Variants in PCDHGA5 observed in about 807,000 individuals in gnomAD.
PCDHGA5 encodes the protein protocadherin gamma-A5.
Under a neutral mutation model 56.7 loss-of-function variants are expected in PCDHGA5, and 36 were observed. That is an observed-to-expected ratio of 0.64 (90% CI 0.49 to 0.84). PCDHGA5 has a LOEUF of 0.84. PCDHGA5 is among the 40% of genes least tolerant of loss of function. The pLI, the probability that PCDHGA5 is intolerant of heterozygous loss-of-function variation, is 0.00. For missense variants in PCDHGA5, 1,305 were observed against 1,201.5 expected, an observed-to-expected ratio of 1.09 and a Z score of -1.27; for synonymous variants, 563 against 520.2, an observed-to-expected ratio of 1.08 and a Z score of -1.12.
At chr5:141,395,545 TGTGTGTGTGTGTG>T (rs1440813594) in intron 1 of PCDHGA5, 2 of 174,840 alleles carry the variant, frequency 1.1e-5, no homozygotes, top group Admixed American at 1.3e-4. Flanking sequence ...CTATTGTTTG[TGTGTGTGTGTGTG>T]TGTGTGTGTG....
intron 1 of PCDHGA5, chr5:141,382,902 G>A: frequency 6.5e-7 from 1 of 1,543,512 alleles, no homozygotes; most frequent in South Asian, 1.2e-5. Flanking sequence ...GGACGACTAT[G>A]GCGGCTCAGC....
chr5:141,464,402 G>GAT (rs1039725208), intron 1 of PCDHGA5, among the ~76,000 whole-genome samples: 22 of 150,720 alleles, frequency 1.5e-4, no homozygotes, highest in Admixed American at 7.3e-4. Context: ...AAGAACCTGA[G>GAT]ATATATATAT....
rs764070772 is a variant in PCDHGA5, at chr5:141,476,415, C to T, written c.2422-18392C>T. ...CTGGATCGAGAGGAGCTGTGTGGGACACTGCCCTCTTGCACTGTAACTCTG... is the reference window on the plus strand; with the variant it reads ...CTGGATCGAGAGGAGCTGTGTGGGATACTGCCCTCTTGCACTGTAACTCTG... On this transcript the variant is annotated intron_variant, in intron 1 of 3. Transcript: ENST00000518069. This position sits in a 1 kb window ranked among gnomAD's most constrained non-coding sequence, Gnocchi z 7.6. 2.5e-6 allele frequency: 4 copies of T among 1,614,098 alleles called. No homozygotes were observed. The South Asian group carries it at 4.4e-5, about 18-fold the overall frequency.
intron 1 of PCDHGA5, among the ~76,000 whole-genome samples, chr5:141,443,477 C>T (rs1279226136): frequency 6.6e-6 from 1 of 152,116 alleles, no homozygotes; most frequent in Non-Finnish European, 1.5e-5. Flanking sequence ...CAGAATTAGA[C>T]CCTGTCCCAA....
chr5:141,439,652 T>G (rs1047430832), intron 1 of PCDHGA5, among the ~76,000 whole-genome samples: 1 of 152,208 alleles, frequency 6.6e-6, no homozygotes, highest in African/African-American at 2.4e-5. Context: ...GTGGCTTTTC[T>G]AATTTCATGG....
intron 1 of PCDHGA5, among the ~76,000 whole-genome samples, chr5:141,435,652 G>A (rs978809372): frequency 3.9e-5 from 6 of 152,226 alleles, no homozygotes; most frequent in East Asian, 1.9e-4. Flanking sequence ...TTTCTGAAAC[G>A]TGCACAGATT....
rs777058727 is a variant in PCDHGA5 at position 141,431,947 on chromosome 5, A to G, written c.2422-62860A>G. 6 of 1,614,052 alleles carry G rather than the reference A, an allele frequency of 3.7e-6. No homozygotes were observed. The highest frequency in any genetic ancestry group is 2.2e-5 in the East Asian group (1 of 44,894). ...GAAATCTGCCCTTTAAATTAGAAAAATCTTACGGAAATTACTATAGTTTAG... is the reference window on the plus strand; with the variant it reads ...GAAATCTGCCCTTTAAATTAGAAAAGTCTTACGGAAATTACTATAGTTTAG... On this transcript the variant is annotated intron_variant, in intron 1 of 3. Transcript: ENST00000518069. This position sits in a 1 kb window ranked among gnomAD's most constrained non-coding sequence, Gnocchi z 4.8.
At position 141,431,192 on chromosome 5, in the gene PCDHGA5, A is replaced by T. The variant is rs769745353; in HGVS notation, c.2422-63615A>T. 8.7e-6 allele frequency: 14 copies of T among 1,614,042 alleles called. No homozygotes were observed. Among genetic ancestry groups the T allele is most frequent in the African/African-American group, 2.7e-5 (2 of 74,912 alleles). On this transcript the variant is annotated intron_variant, in intron 1 of 3. Coordinates refer to ENST00000518069, the MANE Select transcript of PCDHGA5 (RefSeq NM_018918.3). This position sits in a 1 kb window ranked among gnomAD's most constrained non-coding sequence, Gnocchi z 4.8. ...TGAATTAGAAATAAAAATTAGTGAA[A>T]ATGCAGCCACTGAGATGCGGTTCCC...
rs368800698 is a variant in PCDHGA5, at chr5:141,405,118, G to A, written c.2421+38367G>A. The A allele has an allele frequency of 1.1e-5, 18 of 1,613,946 alleles. No homozygotes were observed. The East Asian group carries it at 1.8e-4, about 16-fold the overall frequency. ...TCAGGCTGAGGCACTGGCACTCCTCGCATCTGCTGCGGGCTACCAGTGATG... is the reference window on the plus strand; with the variant it reads ...TCAGGCTGAGGCACTGGCACTCCTCACATCTGCTGCGGGCTACCAGTGATG... On this transcript the variant is annotated intron_variant, in intron 1 of 3. Transcript: ENST00000518069.
intron 1 of PCDHGA5, chr5:141,372,940 T>G: frequency 1.2e-6 from 1 of 817,644 alleles, no homozygotes; most frequent in Non-Finnish European, 1.8e-6. Flanking sequence ...TAGAGTAGGG[T>G]GTCTAGGAAA....
At chr5:141,425,957 C>A (rs1317696447) in intron 1 of PCDHGA5, among the ~76,000 whole-genome samples, 1 of 152,140 alleles carries the variant, frequency 6.6e-6, no homozygotes, top group Non-Finnish European at 1.5e-5. Context: ...TACATTAGTC[C>A]AACACATCAG....
chr5:141,499,037 G>A (rs912832519), intron 2 of PCDHGA5, among the ~76,000 whole-genome samples: 1 of 150,904 alleles, frequency 6.6e-6, no homozygotes, highest in South Asian at 2.1e-4. Context: ...AGAAAAGAAA[G>A]AAAAAGGGAG....
At chr5:141,453,492 G>A (rs1046043468) in intron 1 of PCDHGA5, among the ~76,000 whole-genome samples, 7 of 152,000 alleles carry the variant, frequency 4.6e-5, no homozygotes, top group African/African-American at 7.3e-5. Context: ...AAAAAAAGGT[G>A]TACTCAGAAA....
In PCDHGA5 at chr5:141,476,254, T is replaced by C; in HGVS notation, c.2422-18553T>C. 1.2e-6 allele frequency: 2 copies of C among 1,613,820 alleles called. No individual in the cohort carries two copies. Among genetic ancestry groups the C allele is most frequent in the Non-Finnish European group, 8.5e-7 (1 of 1,179,976 alleles). On this transcript the variant is annotated intron_variant, in intron 1 of 3. Transcript: ENST00000518069. The surrounding 1 kb of genome is among the most constrained non-coding windows in gnomAD (Gnocchi z 7.6). ...CGGAGGAAAGAGAGAAGGGTTTCGCTGTGGGCAACGTGGTCGCGAACCTTG... is the reference window on the plus strand; with the variant it reads ...CGGAGGAAAGAGAGAAGGGTTTCGCCGTGGGCAACGTGGTCGCGAACCTTG...
chr5:141,478,774 G>T (rs1019315910), intron 1 of PCDHGA5: 1 of 1,496,268 alleles, frequency 6.7e-7, no homozygotes, highest in African/African-American at 1.4e-5. Flanking sequence ...ACTCATCTGT[G>T]GACCTAATTC....
Position 141,365,169 on chromosome 5 carries a change from C to T in PCDHGA5, c.839C>T (p.Ser280Phe). 6.2e-7 allele frequency: 1 copy of T among 1,613,926 alleles called. No homozygotes were observed. The highest frequency in any genetic ancestry group is 8.5e-7 in the Non-Finnish European group (1 of 1,179,898). Residue 280 changes from serine to phenylalanine, a missense_variant, in exon 1 of 4, where the codon TCT becomes TTT. Ser to Phe is a radical substitution (Grantham distance 155). Transcript: ENST00000518069. ...DEGINGKLTY[S>F]FRNEEEKISE... ...GGAATAAACGGGAAATTGACCTACT[C>T]TTTTCGCAATGAAGAAGAAAAAATT...
chr5:141,398,689 G>A (rs6867460), intron 1 of PCDHGA5: 228,699 of 1,613,720 alleles, frequency 0.14, 18,438 homozygotes, highest in African/African-American at 0.32. Context: ...GAAACAGGAT[G>A]GTAGTAAATA....
chr5:141,389,524 G>A, intron 1 of PCDHGA5: 5 of 1,613,146 alleles, frequency 3.1e-6, no homozygotes, highest in South Asian at 1.1e-5. Context: ...GTGAGCCTGC[G>A]CGTGTTAGTG....
intron 1 of PCDHGA5, among the ~76,000 whole-genome samples, chr5:141,480,216 C>T (rs1055544952): frequency 1.9e-4 from 28 of 147,036 alleles, no homozygotes; most frequent in Non-Finnish European, 3.6e-4. Flanking sequence ...CCAGCCTGAG[C>T]GACATAGTGA....
Sources: allele counts gnomAD v4.1 joint callset (sites outside exome capture counted in the v4.1 genomes callset), GRCh38; gene constraint gnomAD v4.1.1; non-coding constraint Gnocchi (gnomAD v3.1); transcripts MANE v1.5; gene names NCBI Gene and HGNC (gene_info 2026-07-23, HGNC 2026-07-21).